Variants in NRG1 observed in about 807,000 individuals in gnomAD.
The protein encoded by NRG1 is pro-neuregulin-1, membrane-bound isoform.
A neutral mutation model predicts 63.8 loss-of-function variants in NRG1; 18 were observed. The ratio of observed to expected loss-of-function variants is 0.28; its 90% CI spans 0.19 to 0.42. The LOEUF (loss-of-function observed/expected upper bound fraction) is 0.42. Ranked by LOEUF, NRG1 falls within the 10% of genes least tolerant of loss-of-function variation. The pLI is 1.00. For missense variants in NRG1, 762 were observed against 814.7 expected (o/e 0.94, Z 0.79); for synonymous variants, 302 against 301.3 (o/e 1.00, Z -0.02).
chr8:32,715,871 G>A (rs559476960), intron 5 of NRG1, among the ~76,000 whole-genome samples: 5 of 152,182 alleles, frequency 3.3e-5, no homozygotes, highest in African/African-American at 4.8e-5. Context: ...CTTGAACTCC[G>A]AACCTTGTGA....
At chr8:32,733,385 C>T (rs1824234443) in intron 6 of NRG1, among the ~76,000 whole-genome samples, 1 of 151,958 alleles carries the variant, frequency 6.6e-6, no homozygotes, top group Non-Finnish European at 1.5e-5. Context: ...GTATGAAAAA[C>T]ATAACTATGG....
chr8:31,758,513 C>T (rs1162276164), intron 1 of NRG1, among the ~76,000 whole-genome samples: 3 of 152,150 alleles, frequency 2.0e-5, no homozygotes, highest in Non-Finnish European at 4.4e-5. Flanking sequence ...GGCACATACA[C>T]ACCATGGAAT....
intron 1 of NRG1, among the ~76,000 whole-genome samples, chr8:31,768,650 C>G (rs767574445): frequency 6.6e-6 from 1 of 152,206 alleles, no homozygotes; most frequent in Non-Finnish European, 1.5e-5. Flanking sequence ...GTTATGATTT[C>G]TGGTGGAATT....
At chr8:32,412,450 A>C (rs369086216) in intron 1 of NRG1, among the ~76,000 whole-genome samples, 31,363 of 98,166 alleles carry the variant, frequency 0.32, 4,843 homozygotes, top group South Asian at 0.42. Context: ...ATATATATAT[A>C]TACATATATA....
intron 1 of NRG1, among the ~76,000 whole-genome samples, chr8:31,796,236 C>T (rs1272279477): frequency 6.6e-6 from 1 of 151,854 alleles, no homozygotes; most frequent in African/African-American, 2.4e-5. Flanking sequence ...CCTGCTCAGG[C>T]TTTTATGTGC....
At chr8:32,175,207 A>G (rs1328895575) in intron 1 of NRG1, among the ~76,000 whole-genome samples, 6 of 152,232 alleles carry the variant, frequency 3.9e-5, no homozygotes, top group South Asian at 2.1e-4. Flanking sequence ...AATCCAGCAT[A>G]TAAACAGAAC....
chr8:31,725,078 T>C (rs1813292829), intron 1 of NRG1, among the ~76,000 whole-genome samples: 1 of 152,234 alleles, frequency 6.6e-6, no homozygotes, highest in Non-Finnish European at 1.5e-5. Flanking sequence ...TATTTTTCTC[T>C]TGATTTTTGT....
chr8:32,414,520 C>T (rs1488450789), intron 1 of NRG1, among the ~76,000 whole-genome samples: 1 of 152,172 alleles, frequency 6.6e-6, no homozygotes, highest in Non-Finnish European at 1.5e-5. Context: ...AGACAGCCGT[C>T]CGTGTCAGTT....
chr8:32,366,770 G>T (rs1808114285), intron 1 of NRG1, among the ~76,000 whole-genome samples: 2 of 146,748 alleles, frequency 1.4e-5, no homozygotes, highest in African/African-American at 5.0e-5. Flanking sequence ...GGAGTGCAGT[G>T]GTGCAATCTC....
chr8:32,169,484 T>C (rs768089207), intron 1 of NRG1, among the ~76,000 whole-genome samples: 71 of 152,178 alleles, frequency 4.7e-4, no homozygotes, highest in Non-Finnish European at 2.2e-4. Context: ...CTAATAACTT[T>C]TAGGGATCCA....
chr8:32,008,276 C>T (rs967074242), intron 1 of NRG1, among the ~76,000 whole-genome samples: 8 of 151,950 alleles, frequency 5.3e-5, no homozygotes, highest in African/African-American at 1.9e-4. Context: ...TGAACTCAGA[C>T]TTTCCCCCAC....
At chr8:32,100,035 A>G (rs1830371378) in intron 1 of NRG1, among the ~76,000 whole-genome samples, 1 of 151,908 alleles carries the variant, frequency 6.6e-6, no homozygotes, top group Non-Finnish European at 1.5e-5. Flanking sequence ...TGTGAATGAG[A>G]AGGGCTTAGG....
At chr8:32,481,514 A>AT (rs1266033563) in intron 1 of NRG1, among the ~76,000 whole-genome samples, 1 of 152,202 alleles carries the variant, frequency 6.6e-6, no homozygotes, top group African/African-American at 2.4e-5. Flanking sequence ...TCCATAGATA[A>AT]TACTCTCAAC....
chr8:31,918,904 T>G (rs1047437008), intron 1 of NRG1, among the ~76,000 whole-genome samples: 1 of 152,194 alleles, frequency 6.6e-6, no homozygotes, highest in African/African-American at 2.4e-5. Context: ...TATTCAGAGA[T>G]TCAACTTCCT....
intron 1 of NRG1, among the ~76,000 whole-genome samples, chr8:32,463,670 C>T (rs1224489683): frequency 6.6e-6 from 1 of 151,670 alleles, no homozygotes; most frequent in Non-Finnish European, 1.5e-5. Flanking sequence ...AGTGAGACCT[C>T]ATCTCTCTAA....
chr8:31,921,182 A>G (rs1461627247), intron 1 of NRG1, among the ~76,000 whole-genome samples: 1 of 152,174 alleles, frequency 6.6e-6, no homozygotes, highest in Non-Finnish European at 1.5e-5. Context: ...TCAATTTTAA[A>G]TATTTGGAGA....
At chr8:32,335,160 G>A (rs554200646) in intron 1 of NRG1, among the ~76,000 whole-genome samples, 24 of 152,236 alleles carry the variant, frequency 1.6e-4, no homozygotes, top group African/African-American at 2.9e-4. Flanking sequence ...GAAATGCTCC[G>A]TAGATACCTC....
chr8:31,736,856 C>T (rs1209883997), intron 1 of NRG1, among the ~76,000 whole-genome samples: 1 of 152,130 alleles, frequency 6.6e-6, no homozygotes, highest in Non-Finnish European at 1.5e-5. Flanking sequence ...TACGTACACA[C>T]ACATGCACAC....
In NRG1 at chr8:31,640,499, C is replaced by G. The variant is rs748534615; in HGVS notation, c.37+1068C>G. ...GTGCACCAGGTGTGGGCGGTGAAAG[C>G]CGGGGGCTTGAAGAAGGACTCGCTG... On this transcript the variant is annotated intron_variant, in intron 1 of 10. Transcript: ENST00000519301. This position sits in a 1 kb window ranked among gnomAD's most constrained non-coding sequence, Gnocchi z 6.3. 7 of 1,610,132 alleles carry G rather than the reference C, an allele frequency of 4.3e-6. No homozygotes were observed. In the Admixed American group the frequency reaches 1.0e-4, roughly 23 times the overall value.
Sources: gnomAD v4.1 joint callset for allele counts (sites outside exome capture counted in the v4.1 genomes callset) on GRCh38, gnomAD v4.1.1 for gene constraint, Gnocchi (gnomAD v3.1) non-coding constraint, MANE v1.5 for transcripts, NCBI Gene and HGNC (gene_info 2026-07-23, HGNC 2026-07-21) for gene names.